Variants in VWF observed in about 807,000 individuals in gnomAD.
VWF encodes the protein Factor VIII related antigen.
In VWF, 176 loss-of-function variants were observed where a neutral mutation model predicts 308.6. The ratio of observed to expected loss-of-function variants is 0.57; its 90% CI spans 0.50 to 0.65. VWF has a LOEUF of 0.65. Ranked by LOEUF, VWF falls within the 30% of genes least tolerant of loss-of-function variation. VWF has a pLI of 0.00. For missense variants in VWF, 3,146 were observed against 3,648.2 expected (o/e 0.86, Z 3.55); for synonymous variants, 1,385 against 1,443.4 (o/e 0.96, Z 0.92).
At chr12:6,108,287 C>T (rs887057739) in intron 5 of VWF, among the ~76,000 whole-genome samples, 6 of 140,992 alleles carry the variant, frequency 4.3e-5, no homozygotes, top group African/African-American at 1.6e-4. Context: ...GAGCAAGACT[C>T]TGTCTTTAAA....
At chr12:5,955,750 GA>G (rs1943242525) in intron 47 of VWF, among the ~76,000 whole-genome samples, 1 of 152,110 alleles carries the variant, frequency 6.6e-6, no homozygotes, top group Non-Finnish European at 1.5e-5. Context: ...AATAGACAGG[GA>G]ATTTTAGGAA....
intron 50 of VWF, among the ~76,000 whole-genome samples, chr12:5,950,553 A>G (rs7968888): frequency 0.17 from 25,943 of 152,106 alleles, 2,418 homozygotes; most frequent in South Asian, 0.22. Flanking sequence ...TTCTGTCCTT[A>G]GATGGCTCGA....
chr12:6,056,050 C>A (rs913815908), intron 15 of VWF, among the ~76,000 whole-genome samples: 1 of 151,244 alleles, frequency 6.6e-6, no homozygotes, highest in Admixed American at 6.6e-5. Context: ...GTCTTCTCTG[C>A]CAAGAAAGCA....
chr12:6,072,500 A>G (rs1944792737), intron 8 of VWF, 58 bp from the exon 9 acceptor site: 2 of 1,378,270 alleles, frequency 1.5e-6, no homozygotes, highest in Non-Finnish European at 2.1e-6. Context: ...CACTCATCCC[A>G]CAACTATAGA....
intron 42 of VWF, among the ~76,000 whole-genome samples, chr12:5,976,993 A>G (rs1943541061): frequency 6.6e-6 from 1 of 152,184 alleles, no homozygotes; most frequent in East Asian, 1.9e-4. Context: ...CTCCAAAGTT[A>G]TGCAAAACGG....
chr12:6,003,868 T>G (rs1301217590), intron 34 of VWF, among the ~76,000 whole-genome samples: 78 of 141,452 alleles, frequency 5.5e-4, no homozygotes, highest in Non-Finnish European at 1.1e-3. Context: ...CAGGCTGGAG[T>G]GCAGTGGCAA....
chr12:6,000,971 T>A (rs1943867077), intron 34 of VWF, among the ~76,000 whole-genome samples: 1 of 152,094 alleles, frequency 6.6e-6, no homozygotes, highest in Non-Finnish European at 1.5e-5. Flanking sequence ...TGTGCAAATG[T>A]TATATGCTGT....
intron 42 of VWF, among the ~76,000 whole-genome samples, chr12:5,980,994 A>G (rs1010058045): frequency 1.8e-4 from 28 of 152,230 alleles, no homozygotes; most frequent in African/African-American, 6.8e-4. Flanking sequence ...TGCTGTTTGT[A>G]ATGAAAATCT....
chr12:5,956,182 G>A (rs1943248425), intron 47 of VWF, among the ~76,000 whole-genome samples: 1 of 152,210 alleles, frequency 6.6e-6, no homozygotes, highest in African/African-American at 2.4e-5. Flanking sequence ...TGTGCTGCCA[G>A]TCATGTAAAA....
chr12:6,002,676 C>CA (rs1173404770), intron 34 of VWF, among the ~76,000 whole-genome samples: 3 of 151,052 alleles, frequency 2.0e-5, no homozygotes, highest in East Asian at 1.9e-4. Context: ...GTTACTCCAC[C>CA]AAAAAAAAGA....
intron 47 of VWF, among the ~76,000 whole-genome samples, chr12:5,964,871 A>C (rs1943382019): frequency 6.6e-6 from 1 of 152,208 alleles, no homozygotes; most frequent in Non-Finnish European, 1.5e-5. Context: ...GGCAGAAAAT[A>C]AGCCGAAGGG....
chr12:6,098,642 G>C (rs979627246), intron 5 of VWF, among the ~76,000 whole-genome samples: 4 of 152,058 alleles, frequency 2.6e-5, no homozygotes, highest in African/African-American at 9.7e-5. Context: ...AGCCAGGTGT[G>C]GTGGCAGGCA....
chr12:6,088,123 T>C (rs1944993023), intron 6 of VWF, among the ~76,000 whole-genome samples: 1 of 152,218 alleles, frequency 6.6e-6, no homozygotes. Flanking sequence ...GTACATTATA[T>C]GTTCAGTTAT....
chr12:6,017,100 A>C (rs1356812270), intron 28 of VWF, among the ~76,000 whole-genome samples: 2 of 152,286 alleles, frequency 1.3e-5, no homozygotes, highest in South Asian at 4.1e-4. Context: ...CACTGAGAAG[A>C]CTCCAATTCT....
intron 8 of VWF, 89 bp downstream of exon 8, chr12:6,073,530 A>G: frequency 7.6e-6 from 12 of 1,579,798 alleles, no homozygotes; most frequent in Non-Finnish European, 1.0e-5. Context: ...AGCAACGGGG[A>G]GCAAACACAA....
At chr12:6,027,756 G>A (rs1482788127) in intron 22 of VWF, among the ~76,000 whole-genome samples, 1 of 151,680 alleles carries the variant, frequency 6.6e-6, no homozygotes, top group Non-Finnish European at 1.5e-5. Flanking sequence ...CCAACCTCTA[G>A]AACCATATGA....
At chr12:6,073,772 G>C (rs756815017) in intron 7 of VWF, 31 bp from the exon 8 acceptor site, 14 of 1,613,164 alleles carry the variant, frequency 8.7e-6, no homozygotes, top group Admixed American at 5.0e-5. Context: ...GGTCTACCCA[G>C]GGCAGGTCCC....
At position 6,108,953 on chromosome 12, in the gene VWF, C is replaced by T. The variant is rs549331085; in HGVS notation, c.532+1421G>A. On this transcript the variant is annotated intron_variant, in intron 5 of 51. Coordinates refer to ENST00000261405, the MANE Select transcript of VWF (RefSeq NM_000552.5). ...CCGAGATCGCGCCACTGCACTCCAG[C>T]CTGGGTGACAGAGCGAGACTCCGTC... Among the ~76,000 whole-genome samples, 182 of 149,924 alleles carry T rather than the reference C, an allele frequency of 1.2e-3. 1 individual carries two copies. The highest frequency in any genetic ancestry group is 4.1e-3 in the African/African-American group (165 of 40,686).
intron 27 of VWF, chr12:6,021,044 A>G (rs73261078): frequency 0.064 from 9,709 of 152,266 alleles, 1,007 homozygotes; most frequent in African/African-American, 0.22. Context: ...CGTGATCCAC[A>G]AGATTTATTG....
Sources: allele counts gnomAD v4.1 joint callset (sites outside exome capture counted in the v4.1 genomes callset), GRCh38; gene constraint gnomAD v4.1.1; transcripts MANE v1.5; gene names NCBI Gene and HGNC (gene_info 2026-07-23, HGNC 2026-07-21).